NAA15: variants seen among roughly 807,000 people sequenced by gnomAD.
NAA15 encodes the protein N-alpha-acetyltransferase 15, NatA auxiliary subunit, also known as N-terminal acetyltransferase.
Under a neutral mutation model 114.0 loss-of-function variants are expected in NAA15, and 34 were observed. The observed-to-expected ratio is 0.30, with a 90% CI of 0.23 to 0.40. The LOEUF is 0.40. NAA15 is among the 10% of genes least tolerant of loss of function. NAA15 has a pLI of 1.00. For synonymous variants in NAA15, 340 were observed against 338.0 expected, an observed-to-expected ratio of 1.01 and a Z score of -0.06; for missense variants, 658 against 1,004.5, an observed-to-expected ratio of 0.66 and a Z score of 4.66.
At chr4:139,301,981 C>T (rs532702914) in intron 1 of NAA15, 150 bp downstream of exon 1, 5 of 820,196 alleles carry the variant, frequency 6.1e-6, no homozygotes, top group African/African-American at 1.8e-5. Context: ...TGCTTTGCTC[C>T]CTCTCTGTGG....
At chr4:139,307,955 A>C (rs1207657076) in intron 1 of NAA15, among the ~76,000 whole-genome samples, 1 of 151,534 alleles carries the variant, frequency 6.6e-6, no homozygotes, top group Non-Finnish European at 1.5e-5. Flanking sequence ...ATAATAAGTA[A>C]ATTATTATTA....
intron 7 of NAA15, among the ~76,000 whole-genome samples, chr4:139,350,541 A>T (rs565857942): frequency 1.3e-5 from 2 of 152,188 alleles, no homozygotes; most frequent in Non-Finnish European, 2.9e-5. Context: ...AATAGGCAGG[A>T]TCCTCAGCAG....
chr4:139,308,535 C>A (rs1210850860), intron 1 of NAA15, among the ~76,000 whole-genome samples: 3 of 152,044 alleles, frequency 2.0e-5, no homozygotes, highest in African/African-American at 7.2e-5. Flanking sequence ...AACAAAAAAT[C>A]AAAAAATGGA....
At chr4:139,367,776 C>G (rs1579128393) in intron 14 of NAA15, among the ~76,000 whole-genome samples, 1 of 152,216 alleles carries the variant, frequency 6.6e-6, no homozygotes, top group African/African-American at 2.4e-5. Flanking sequence ...TCAAAACCAT[C>G]AAGCCCCTGT....
chr4:139,308,281 A>G (rs1746094611), intron 1 of NAA15, among the ~76,000 whole-genome samples: 1 of 152,054 alleles, frequency 6.6e-6, no homozygotes, highest in Non-Finnish European at 1.5e-5. Context: ...TAGGTAAATT[A>G]TTTTATGTGA....
chr4:139,364,271 T>A (rs1431020188), intron 14 of NAA15, among the ~76,000 whole-genome samples: 1 of 152,178 alleles, frequency 6.6e-6, no homozygotes, highest in African/African-American at 2.4e-5. Context: ...ATACAAGTTT[T>A]AATTTTTAAT....
At chr4:139,319,158 G>T (rs1309210131) in intron 1 of NAA15, among the ~76,000 whole-genome samples, 1 of 152,066 alleles carries the variant, frequency 6.6e-6, no homozygotes, top group Non-Finnish European at 1.5e-5. Flanking sequence ...ACCAGGCATG[G>T]TGGCGCATGC....
intron 1 of NAA15, among the ~76,000 whole-genome samples, chr4:139,329,184 A>AAT (rs995395398): frequency 2.5e-4 from 38 of 151,962 alleles, no homozygotes; most frequent in African/African-American, 9.2e-4. Context: ...GCCCAGCCTT[A>AAT]ATACTGTATT....
chr4:139,314,224 G>A (rs555233412), intron 1 of NAA15, among the ~76,000 whole-genome samples: 2 of 152,004 alleles, frequency 1.3e-5, no homozygotes, highest in East Asian at 1.9e-4. Flanking sequence ...ATCAGATGTA[G>A]ATGGGTGTGG....
At chr4:139,368,458 A>G (rs1748345200) in intron 14 of NAA15, among the ~76,000 whole-genome samples, 1 of 152,174 alleles carries the variant, frequency 6.6e-6, no homozygotes, top group African/African-American at 2.4e-5. Flanking sequence ...CATCTGAAGG[A>G]TCAGCTTGGC....
At chr4:139,326,992 G>A (rs1746823722) in intron 1 of NAA15, among the ~76,000 whole-genome samples, 1 of 152,128 alleles carries the variant, frequency 6.6e-6, no homozygotes, top group Admixed American at 6.5e-5. Flanking sequence ...CTGGGGTGCA[G>A]TGGTGTGACC....
chr4:139,324,507 T>C (rs75755444), intron 1 of NAA15, among the ~76,000 whole-genome samples: 196 of 152,330 alleles, frequency 1.3e-3, no homozygotes, highest in African/African-American at 4.5e-3. Context: ...GAACTGAAAA[T>C]GTCTGTCTAC....
chr4:139,306,018 A>G (rs1226590382), intron 1 of NAA15, among the ~76,000 whole-genome samples: 3 of 152,228 alleles, frequency 2.0e-5, no homozygotes, highest in Non-Finnish European at 4.4e-5. Flanking sequence ...CAAAAATTTT[A>G]GAGTTTCTGC....
At chr4:139,348,526 G>A (rs1475185183) in intron 6 of NAA15, among the ~76,000 whole-genome samples, 1 of 151,964 alleles carries the variant, frequency 6.6e-6, no homozygotes, top group Non-Finnish European at 1.5e-5. Context: ...TCAAATGAGA[G>A]CGAAAGATAT....
chr4:139,332,093 T>C (rs1205981399), intron 1 of NAA15, among the ~76,000 whole-genome samples: 2 of 152,136 alleles, frequency 1.3e-5, no homozygotes, highest in Non-Finnish European at 1.5e-5. Flanking sequence ...TGTTCTCTAG[T>C]TCTTTTTTCT....
At chr4:139,362,022 CA>C in intron 14 of NAA15, 85 bp downstream of exon 14, 2 of 905,034 alleles carry the variant, frequency 2.2e-6, no homozygotes, top group South Asian at 2.2e-5. Context: ...AGTATTGCTC[CA>C]TGTCTTGAGC....
intron 1 of NAA15, among the ~76,000 whole-genome samples, chr4:139,313,231 A>G (rs913338227): frequency 6.6e-6 from 1 of 151,990 alleles, no homozygotes; most frequent in Non-Finnish European, 1.5e-5. Context: ...GTTGCTGTTC[A>G]AATTCAAAAA....
Position 139,315,006 on chromosome 4 carries a change from T to TTAGG in NAA15, c.54+13176_54+13177insAGGT, listed in dbSNP as rs1553992520. Among the ~76,000 whole-genome samples, 88 of 101,548 alleles carry TTAGG rather than the reference T, an allele frequency of 8.7e-4. 1 individual carries two copies. In the East Asian group the frequency reaches 0.019, roughly 21 times the overall value. The allele number at this position is 101,548 out of a possible 152,430, so 66.6% of individuals were successfully genotyped here. A position where few individuals can be genotyped will look rare whatever the true frequency, so the allele number is the denominator to read the frequency against. Reference sequence around the variant, plus strand: ...AAGCGTTCAGTTCAGTTCAGTTTAGTTTAGGTTAGGTTAGGTTAGGTTAGG... The same window carrying TTAGG: ...AAGCGTTCAGTTCAGTTCAGTTTAGTTAGGTTAGGTTAGGTTAGGTTAGGTTAGG... On this transcript the variant is annotated intron_variant, in intron 1 of 19. Transcript: ENST00000296543.
At chr4:139,309,039 A>G (rs1746124455) in intron 1 of NAA15, among the ~76,000 whole-genome samples, 1 of 152,102 alleles carries the variant, frequency 6.6e-6, no homozygotes, top group African/African-American at 2.4e-5. Flanking sequence ...AAATTACAAA[A>G]TGATTTTTCT....
Sources: allele counts gnomAD v4.1 joint callset (sites outside exome capture counted in the v4.1 genomes callset), GRCh38; gene constraint gnomAD v4.1.1; transcripts MANE v1.5; gene names NCBI Gene and HGNC (gene_info 2026-07-23, HGNC 2026-07-21).